CREB5: variants seen among roughly 807,000 people sequenced by gnomAD.
CREB5 encodes cyclic AMP-responsive element-binding protein 5.
Under a neutral mutation model 57.1 loss-of-function variants are expected in CREB5, and 19 were observed. That is an observed-to-expected ratio of 0.33 (90% CI 0.23 to 0.49). The LOEUF is 0.49. Among genes scored for constraint, CREB5 ranks in the 20% least tolerant of loss-of-function variants. The pLI is 0.99. For synonymous variants in CREB5, 238 were observed against 238.3 expected (o/e 1.00, Z 0.01); for missense variants, 579 against 671.6 (o/e 0.86, Z 1.52).
At chr7:28,463,437 A>G (rs1790433072) in intron 1 of CREB5, among the ~76,000 whole-genome samples, 1 of 152,186 alleles carries the variant, frequency 6.6e-6, no homozygotes, top group Non-Finnish European at 1.5e-5. Flanking sequence ...TATCGATTTT[A>G]GGATCAGTTT....
intron 3 of CREB5, among the ~76,000 whole-genome samples, chr7:28,497,200 G>T (rs1452067536): frequency 6.6e-6 from 1 of 152,238 alleles, no homozygotes; most frequent in African/African-American, 2.4e-5. Context: ...CAGGCAGGCT[G>T]CCAGGATGGT....
At chr7:28,543,423 T>C (rs918007183) in intron 4 of CREB5, among the ~76,000 whole-genome samples, 1 of 152,184 alleles carries the variant, frequency 6.6e-6, no homozygotes, top group African/African-American at 2.4e-5. Context: ...TCCTTTTTGA[T>C]TTATGCAAAT....
At chr7:28,557,116 C>T (rs988926445) in intron 4 of CREB5, among the ~76,000 whole-genome samples, 1 of 143,214 alleles carries the variant, frequency 7.0e-6, no homozygotes, top group African/African-American at 2.5e-5. Context: ...AAATGCTCCT[C>T]ACATTACCCA....
chr7:28,439,349 A>G (rs375519768), intron 1 of CREB5, among the ~76,000 whole-genome samples: 7 of 152,176 alleles, frequency 4.6e-5, no homozygotes, highest in African/African-American at 1.7e-4. Flanking sequence ...AACCTGCTAG[A>G]CTGAATTTTC....
chr7:28,575,710 G>A (rs866303880), intron 5 of CREB5, among the ~76,000 whole-genome samples: 2 of 152,144 alleles, frequency 1.3e-5, no homozygotes, highest in Admixed American at 6.5e-5. Context: ...TGAATATCAC[G>A]GCTATGAACA....
intron 4 of CREB5, among the ~76,000 whole-genome samples, chr7:28,560,885 T>TGTGCGCGTAC (rs1365184678): frequency 3.8e-5 from 1 of 26,478 alleles, no homozygotes; most frequent in Non-Finnish European, 7.4e-5. Context: ...CGTGCGTGCG[T>TGTGCGCGTAC]GCGTGTGTGT....
At chr7:28,707,834 A>T (rs1047340224) in intron 5 of CREB5, among the ~76,000 whole-genome samples, 1 of 152,244 alleles carries the variant, frequency 6.6e-6, no homozygotes, top group African/African-American at 2.4e-5. Context: ...CCATTCTCAG[A>T]TTATAGTAAT....
At chr7:28,733,254 G>T (rs1245170649) in intron 7 of CREB5, among the ~76,000 whole-genome samples, 2 of 152,158 alleles carry the variant, frequency 1.3e-5, no homozygotes, top group African/African-American at 4.8e-5. Flanking sequence ...TTCAGAGCTG[G>T]TAAAGTGTTT....
At position 28,821,856 on chromosome 7, in the gene CREB5, T is replaced by G. The variant is rs1324247982; in HGVS notation, c.*2577T>G. The stretch of plus-strand genomic sequence containing the variant: ...GTTTTAAGTAAACAAAAATTTTTCT[T>G]TCTTTACTGCATGCATAGCACTTAA... On this transcript the variant is annotated 3_prime_UTR_variant, in exon 11 of 11. Coordinates refer to ENST00000357727, the MANE Select transcript of CREB5 (RefSeq NM_182898.4). 3 of 152,664 alleles carry G rather than the reference T, an allele frequency of 2.0e-5. No individual in the cohort carries two copies. The highest frequency in any genetic ancestry group is 7.2e-5 in the African/African-American group (3 of 41,458). 9.5% of individuals were successfully genotyped at this position (152,664 alleles called of 1,614,324 possible).
In CREB5 at chr7:28,560,917, T is replaced by TGCGCGCGC. The variant is rs1170124048; in HGVS notation, c.292-9447_292-9446insCGCGCGCG. 4.0e-4 allele frequency among the ~76,000 whole-genome samples: 32 copies of TGCGCGCGC among 80,850 alleles called. 6 individuals carry two copies. Among genetic ancestry groups the TGCGCGCGC allele is most frequent in the Non-Finnish European group, 6.1e-4 (27 of 44,166 alleles). 53.0% of individuals were successfully genotyped at this position (80,850 alleles called of 152,430 possible). A position where few individuals can be genotyped will look rare whatever the true frequency, so the allele number is the denominator to read the frequency against. Reference sequence around the variant, plus strand: ...GTGTGCGTGCGCGCGTGCGTGTGCGTGTGTGCGCGTGCGTGTGTGCGTGCG... The same window carrying TGCGCGCGC: ...GTGTGCGTGCGCGCGTGCGTGTGCGTGCGCGCGCGTGTGCGCGTGCGTGTGTGCGTGCG... On this transcript the variant is annotated intron_variant, in intron 4 of 10. Coordinates refer to ENST00000357727, the MANE Select transcript of CREB5 (RefSeq NM_182898.4).
At chr7:28,692,822 G>C (rs934799653) in intron 5 of CREB5, among the ~76,000 whole-genome samples, 1 of 152,152 alleles carries the variant, frequency 6.6e-6, no homozygotes, top group Non-Finnish European at 1.5e-5. Flanking sequence ...TCATGAGTTT[G>C]GGTTACAACA....
intron 5 of CREB5, among the ~76,000 whole-genome samples, chr7:28,601,894 A>C (rs1040534644): frequency 2.6e-5 from 4 of 152,272 alleles, no homozygotes; most frequent in Admixed American, 6.5e-5. Context: ...AATCTAGGAC[A>C]AAAAAAGTAT....
At chr7:28,536,736 ATGT>A (rs1793980655) in intron 4 of CREB5, among the ~76,000 whole-genome samples, 2 of 152,196 alleles carry the variant, frequency 1.3e-5, no homozygotes, top group Admixed American at 6.5e-5. Context: ...TGAGTGTTAC[ATGT>A]TGTCCATCAG....
At chr7:28,767,702 A>G (rs1192689416) in intron 7 of CREB5, among the ~76,000 whole-genome samples, 1 of 152,244 alleles carries the variant, frequency 6.6e-6, no homozygotes, top group Non-Finnish European at 1.5e-5. Context: ...CTTTTTCCAC[A>G]TAAAAGAAAG....
At chr7:28,305,946 T>C (rs181308422) in intron 1 of CREB5, among the ~76,000 whole-genome samples, 1 of 152,280 alleles carries the variant, frequency 6.6e-6, no homozygotes, top group Admixed American at 6.5e-5. Flanking sequence ...TGTGTGCATT[T>C]ACACATATGT....
chr7:28,382,548 T>G (rs1786986891), intron 1 of CREB5, among the ~76,000 whole-genome samples: 1 of 152,134 alleles, frequency 6.6e-6, no homozygotes, highest in Admixed American at 6.5e-5. Flanking sequence ...AGTCTATTGT[T>G]CATTGTAGAA....
At position 28,768,478 on chromosome 7, in the gene CREB5, A is replaced by G. The variant is rs536488542; in HGVS notation, c.703-35721A>G. Among the ~76,000 whole-genome samples, 24 of 152,354 alleles carry G rather than the reference A, an allele frequency of 1.6e-4. 1 individual carries two copies. The South Asian group carries it at 5.0e-3, about 32-fold the overall frequency. Reference sequence around the variant, plus strand: ...TGAGATGAAATAATTATCCTCATATATTTGAAAATCTGCAGTGTGAGAAGG... The same window carrying G: ...TGAGATGAAATAATTATCCTCATATGTTTGAAAATCTGCAGTGTGAGAAGG... On this transcript the variant is annotated intron_variant, in intron 7 of 10. Coordinates refer to ENST00000357727, the MANE Select transcript of CREB5 (RefSeq NM_182898.4).
chr7:28,744,289 A>C (rs1226379968), intron 7 of CREB5, among the ~76,000 whole-genome samples: 3 of 149,350 alleles, frequency 2.0e-5, no homozygotes, highest in Admixed American at 2.0e-4. Context: ...GACACCAGTC[A>C]TATTAGATTA....
At chr7:28,816,447 G>T (rs1809444643) in intron 9 of CREB5, among the ~76,000 whole-genome samples, 1 of 152,092 alleles carries the variant, frequency 6.6e-6, no homozygotes, top group Non-Finnish European at 1.5e-5. Context: ...GTTTGATTAA[G>T]TGATTTATTC....
Sources: gnomAD v4.1 joint callset for allele counts (sites outside exome capture counted in the v4.1 genomes callset) on GRCh38, gnomAD v4.1.1 for gene constraint, MANE v1.5 for transcripts, NCBI Gene and HGNC (gene_info 2026-07-23, HGNC 2026-07-21) for gene names.